Variants in CHMP3 observed in about 807,000 individuals in gnomAD.
CHMP3 encodes charged multivesicular body protein 3, also known as 25.1 protein.
CHMP3 carries 8 observed loss-of-function variants against 27.4 expected under a neutral mutation model. The ratio of observed to expected loss-of-function variants is 0.29; its 90% confidence interval spans 0.17 to 0.53. CHMP3 has a LOEUF of 0.53. CHMP3 is among the 20% of genes least tolerant of loss of function. CHMP3 has a pLI of 0.96. For missense variants in CHMP3, 208 were observed against 271.5 expected, an observed-to-expected ratio of 0.77 and a Z score of 1.64; for synonymous variants, 86 against 85.5, an observed-to-expected ratio of 1.01 and a Z score of -0.03.
chr2:86,550,146 C>T (rs934359372), intron 1 of CHMP3, among the ~76,000 whole-genome samples: 4 of 152,212 alleles, frequency 2.6e-5, no homozygotes, highest in Admixed American at 1.3e-4. Context: ...GAGGCCACGA[C>T]GGGCAGACCA....
chr2:86,509,142 T>C (rs969086024), intron 4 of CHMP3, among the ~76,000 whole-genome samples: 2 of 152,176 alleles, frequency 1.3e-5, no homozygotes, highest in African/African-American at 4.8e-5. Flanking sequence ...CAAATCTGTA[T>C]TACTCCCAGT....
intron 1 of CHMP3, among the ~76,000 whole-genome samples, chr2:86,561,213 T>C (rs753436610): frequency 3.3e-4 from 50 of 152,342 alleles, no homozygotes; most frequent in Non-Finnish European, 1.6e-4. Flanking sequence ...TTAGAATACA[T>C]AACCTCTGGT....
intron 1 of CHMP3, among the ~76,000 whole-genome samples, chr2:86,546,119 G>C (rs1009716606): frequency 6.6e-6 from 1 of 152,168 alleles, no homozygotes; most frequent in Admixed American, 6.5e-5. Flanking sequence ...CCAGCACCTC[G>C]GGAGGCCGAG....
In CHMP3 at chr2:86,563,273, C is replaced by G. The variant is rs757534840; in HGVS notation, c.45+31G>C. On this transcript the variant is annotated intron_variant, in intron 1 of 5. Transcript: ENST00000263856. ...CTTCACTACGCCCCACACAGATCCA[C>G]CCGCTTATCTGCCGCCGCCGTAGCC... 1.9e-6 allele frequency: 3 copies of G among 1,613,350 alleles called. No homozygotes were observed. In the African/African-American group the frequency reaches 4.0e-5, roughly 22 times the overall value.
chr2:86,547,654 G>A (rs954441552), intron 1 of CHMP3, among the ~76,000 whole-genome samples: 3 of 152,118 alleles, frequency 2.0e-5, no homozygotes, highest in African/African-American at 4.8e-5. Flanking sequence ...CACAGTCTAA[G>A]ACAAAGAGCT....
intron 4 of CHMP3, among the ~76,000 whole-genome samples, chr2:86,509,792 G>T (rs1376148619): frequency 6.6e-6 from 1 of 152,246 alleles, no homozygotes; most frequent in African/African-American, 2.4e-5. Flanking sequence ...ATGGCTAGAA[G>T]AACAGACTAG....
At chr2:86,544,823 A>T (rs1235746205) in intron 1 of CHMP3, among the ~76,000 whole-genome samples, 3 of 152,128 alleles carry the variant, frequency 2.0e-5, no homozygotes, top group African/African-American at 2.4e-5. Context: ...TGCCATCGTC[A>T]TCATGGCCCG....
chr2:86,530,486 TA>T (rs948811939), intron 2 of CHMP3, among the ~76,000 whole-genome samples: 28 of 152,356 alleles, frequency 1.8e-4, no homozygotes, highest in African/African-American at 6.5e-4. Flanking sequence ...CTAAGCATAA[TA>T]TTTTTAAGGT....
chr2:86,510,278 A>AAGCCC, intron 4 of CHMP3, 80 bp downstream of exon 4: 1 of 735,650 alleles, frequency 1.4e-6, no homozygotes, highest in Non-Finnish European at 2.2e-6. Context: ...ATCCCCACCC[A>AAGCCC]CCCTCATCCC....
chr2:86,559,037 G>A (rs1244719622), intron 1 of CHMP3, among the ~76,000 whole-genome samples: 2 of 152,130 alleles, frequency 1.3e-5, no homozygotes, highest in East Asian at 3.8e-4. Context: ...CCAGATAGCT[G>A]GTAAAGCACT....
intron 3 of CHMP3, among the ~76,000 whole-genome samples, chr2:86,521,867 C>T (rs1429948848): frequency 1.3e-5 from 2 of 152,204 alleles, no homozygotes; most frequent in African/African-American, 4.8e-5. Context: ...TACCTTTTGG[C>T]TATTGTGAAT....
chr2:86,506,083 G>T, intron 5 of CHMP3, 134 bp from the exon 6 acceptor site: 1 of 1,075,356 alleles, frequency 9.3e-7, no homozygotes, highest in Non-Finnish European at 1.2e-6. Context: ...TTTTGGGGGG[G>T]TTTACTCACT....
chr2:86,509,466 C>T (rs1245922510), intron 4 of CHMP3, among the ~76,000 whole-genome samples: 3 of 152,158 alleles, frequency 2.0e-5, no homozygotes, highest in African/African-American at 4.8e-5. Context: ...ATGCCCTAAA[C>T]CCTGTACATA....
chr2:86,528,573 T>C (rs904081084), intron 3 of CHMP3, among the ~76,000 whole-genome samples: 3 of 152,142 alleles, frequency 2.0e-5, no homozygotes, highest in Admixed American at 6.5e-5. Flanking sequence ...CAAAGAACTA[T>C]AGTTCTGAGT....
At chr2:86,525,412 T>C (rs1272579518) in intron 3 of CHMP3, among the ~76,000 whole-genome samples, 2 of 152,100 alleles carry the variant, frequency 1.3e-5, no homozygotes, top group Non-Finnish European at 2.9e-5. Flanking sequence ...ATATATACTG[T>C]TCTCATCTAT....
intron 3 of CHMP3, among the ~76,000 whole-genome samples, chr2:86,513,459 T>A (rs80138262): frequency 0.045 from 6,776 of 152,254 alleles, 500 homozygotes; most frequent in African/African-American, 0.15. Context: ...ACCCATCGAA[T>A]GTACAACACC....
intron 1 of CHMP3, among the ~76,000 whole-genome samples, chr2:86,557,569 T>A (rs1424902132): frequency 6.6e-6 from 1 of 152,196 alleles, no homozygotes; most frequent in African/African-American, 2.4e-5. Context: ...CCTCTTGCAT[T>A]CCACTCAGAA....
chr2:86,516,430 A>C (rs1675310599), intron 3 of CHMP3, among the ~76,000 whole-genome samples: 1 of 152,244 alleles, frequency 6.6e-6, no homozygotes, highest in South Asian at 2.1e-4. Context: ...ATTAGCCACT[A>C]TGGAAATGCA....
Position 86,544,560 on chromosome 2 carries a change from T to G in CHMP3, c.46-2248A>C, listed in dbSNP as rs569409582. Among the ~76,000 whole-genome samples, 107 of 152,270 alleles carry G rather than the reference T, an allele frequency of 7.0e-4. 1 individual carries two copies. Among genetic ancestry groups the G allele is most frequent in the Non-Finnish European group, 8.5e-4 (58 of 68,016 alleles). On this transcript the variant is annotated intron_variant, in intron 1 of 5. Transcript: ENST00000263856. The stretch of plus-strand genomic sequence containing the variant: ...TGGTGATGACTCTTAACGAGCATGC[T>G]GCCTTCAAGCATCTGTTTAACAAAG...
Sources: allele counts gnomAD v4.1 joint callset (sites outside exome capture counted in the v4.1 genomes callset), GRCh38; gene constraint gnomAD v4.1.1; transcripts MANE v1.5; gene names NCBI Gene and HGNC (gene_info 2026-07-23, HGNC 2026-07-21).